Variants in FREM1 observed in about 807,000 individuals in gnomAD.
The protein encoded by FREM1 is FRAS1-related extracellular matrix protein 1.
FREM1 carries 220 observed loss-of-function variants against 210.1 expected under a neutral mutation model. The observed-to-expected ratio is 1.05, with a 90% CI of 0.94 to 1.17. The LOEUF (loss-of-function observed/expected upper bound fraction) is 1.17. FREM1 is among the 50% of genes most tolerant of loss of function. The pLI, the probability that FREM1 is intolerant of heterozygous loss-of-function variation, is 0.00. For missense variants in FREM1, 3,454 were observed against 2,675.5 expected (o/e 1.29, Z -6.42); for synonymous variants, 1,189 against 980.2 (o/e 1.21, Z -3.98).
intron 35 of FREM1, among the ~76,000 whole-genome samples, chr9:14,740,692 G>C (rs953611872): frequency 3.3e-5 from 5 of 152,140 alleles, no homozygotes; most frequent in African/African-American, 1.2e-4. Flanking sequence ...TTGGAGCTTA[G>C]TGGGTTTAGC....
intron 18 of FREM1, among the ~76,000 whole-genome samples, chr9:14,806,039 C>G (rs893176183): frequency 6.6e-6 from 1 of 152,192 alleles, no homozygotes; most frequent in Non-Finnish European, 1.5e-5. Flanking sequence ...GATTCACTCT[C>G]TCATGGTATC....
intron 36 of FREM1, among the ~76,000 whole-genome samples, chr9:14,738,868 G>A (rs1411661098): frequency 6.6e-6 from 1 of 151,788 alleles, no homozygotes; most frequent in Non-Finnish European, 1.5e-5. Context: ...AACTTAGCCA[G>A]GTGTGGTAGT....
At position 14,784,554 on chromosome 9, in the gene FREM1, C is replaced by CA; in HGVS notation, c.4257dup (p.Val1420CysfsTer8). 6.2e-7 allele frequency: 1 copy of CA among 1,613,288 alleles called. No individual in the cohort carries two copies. Among genetic ancestry groups the CA allele is most frequent in the Non-Finnish European group, 8.5e-7 (1 of 1,179,628 alleles). ...TCCTCAGGCTTGTCTGTTCCGTCCA[C>CA]AGCCAGGAGCGTGGTGGTTGTTAAG... On this transcript the variant is annotated frameshift_variant, in exon 24 of 37. Coordinates refer to ENST00000380880, the MANE Select transcript of FREM1 (RefSeq NM_001379081.2). LOFTEE classifies it high-confidence loss of function.
At chr9:14,907,378 C>T (rs1001919123) in intron 1 of FREM1, among the ~76,000 whole-genome samples, 2 of 152,046 alleles carry the variant, frequency 1.3e-5, no homozygotes, top group Non-Finnish European at 2.9e-5. Context: ...TTTTTTGTTT[C>T]GCTCGGCCCC....
At chr9:14,751,213 C>T (rs546236395) in intron 29 of FREM1, among the ~76,000 whole-genome samples, 1 of 152,316 alleles carries the variant, frequency 6.6e-6, no homozygotes, top group Non-Finnish European at 1.5e-5. Context: ...GGAATAAACA[C>T]AGTAAACTTA....
In FREM1 at chr9:14,905,858, T is replaced by C. The variant is rs1420567613; in HGVS notation, c.-268+4056A>G. Among the ~76,000 whole-genome samples the C allele has an allele frequency of 4.6e-5, 7 of 151,776 alleles. No individual in the cohort carries two copies. In the East Asian group the frequency reaches 1.4e-3, roughly 29 times the overall value. ...GTGAGCCAAGATCACGCCACTGCAC[T>C]GCAGCATGGGCAATAGAGCAAGACT... On this transcript the variant is annotated intron_variant, in intron 1 of 36. Transcript: ENST00000380880.
chr9:14,738,737 C>T (rs547001832), intron 36 of FREM1, among the ~76,000 whole-genome samples: 2 of 152,164 alleles, frequency 1.3e-5, no homozygotes, highest in African/African-American at 2.4e-5. Context: ...TGGCCGGGTG[C>T]GGTGGCTCAT....
rs372610450 is a variant in FREM1, at chr9:14,801,877, G to A, written c.3472-3C>T. On this transcript the variant is annotated splice_polypyrimidine_tract_variant and splice_region_variant and intron_variant, in intron 19 of 36. Coordinates refer to ENST00000380880, the MANE Select transcript of FREM1 (RefSeq NM_001379081.2). ...TCTTTCATCTGACCCTCACACACCT[G>A]AGCAAGAACACATGAGAAAAGTCAA... 2 of 1,594,250 alleles carry A rather than the reference G, an allele frequency of 1.3e-6. No individual in the cohort carries two copies. The highest frequency in any genetic ancestry group is 1.7e-5 in the Admixed American group (1 of 58,104).
At chr9:14,752,675 TG>T (rs1843603028) in intron 29 of FREM1, among the ~76,000 whole-genome samples, 1 of 151,992 alleles carries the variant, frequency 6.6e-6, no homozygotes, top group Non-Finnish European at 1.5e-5. Context: ...AGATAAGAGG[TG>T]GTCAATGAAG....
At chr9:14,782,411 T>G (rs1453156787) in intron 24 of FREM1, 2 of 927,384 alleles carry the variant, frequency 2.2e-6, no homozygotes, top group Non-Finnish European at 2.6e-6. Context: ...AGTCCTGTGT[T>G]CTCCAGCAAG....
rs142722635 is a variant in FREM1 at position 14,880,227 on chromosome 9, C to T, written c.-267-10983G>A. On this transcript the variant is annotated intron_variant, in intron 1 of 36. Coordinates refer to ENST00000380880, the MANE Select transcript of FREM1 (RefSeq NM_001379081.2). ...TCTATTCTTTAAGCCACCCTGTCTACGGTATTTCTGTTATAGCAGCCTGAG... is the reference window on the plus strand; with the variant it reads ...TCTATTCTTTAAGCCACCCTGTCTATGGTATTTCTGTTATAGCAGCCTGAG... Among the ~76,000 whole-genome samples the T allele has an allele frequency of 1.3e-3, 194 of 152,176 alleles. 1 individual carries two copies. The South Asian group carries it at 0.021, about 16-fold the overall frequency.
chr9:14,759,075 T>C (rs1283078983), intron 28 of FREM1, among the ~76,000 whole-genome samples: 2 of 152,176 alleles, frequency 1.3e-5, no homozygotes, highest in African/African-American at 4.8e-5. Flanking sequence ...ACAGAATGTC[T>C]TGCATACAAC....
chr9:14,738,733 G>C (rs1425544967), intron 36 of FREM1, among the ~76,000 whole-genome samples: 5 of 152,024 alleles, frequency 3.3e-5, no homozygotes, highest in African/African-American at 4.8e-5. Context: ...CATTTGGCCG[G>C]GTGCGGTGGC....
chr9:14,749,937 G>A lies in FREM1; in HGVS notation c.5557+190C>T, dbSNP rs79843997. On this transcript the variant is annotated intron_variant, in intron 30 of 36. Transcript: ENST00000380880. ...GACTTGTTGCTTTTCTCAAGTGATC[G>A]TACTTAGCAGGAGGAAAACCACATG... Among the ~76,000 whole-genome samples, 56 of 152,272 alleles carry A rather than the reference G, an allele frequency of 3.7e-4. No individual in the cohort carries two copies. The East Asian group carries it at 8.3e-3, about 23-fold the overall frequency.
Position 14,860,966 on chromosome 9 carries a change from C to T in FREM1, c.330-1482G>A, listed in dbSNP as rs867863886. 2.6e-3 allele frequency among the ~76,000 whole-genome samples: 225 copies of T among 87,988 alleles called. 7 individuals carry two copies. Among genetic ancestry groups the T allele is most frequent in the Non-Finnish European group, 3.5e-3 (139 of 40,146 alleles). 57.7% of individuals were successfully genotyped at this position (87,988 alleles called of 152,430 possible). ...ATATACACATATACACATATATACA[C>T]ATATATACATATATACACATATATA... On this transcript the variant is annotated intron_variant, in intron 3 of 36. Transcript: ENST00000380880.
intron 3 of FREM1, 37 bp downstream of exon 3, chr9:14,863,772 C>A: frequency 7.8e-7 from 1 of 1,279,254 alleles, no homozygotes; most frequent in Non-Finnish European, 1.1e-6. Flanking sequence ...AGAATGGTTA[C>A]TTGGCAGCAA....
chr9:14,779,362 G>T, intron 24 of FREM1: 1 of 331,024 alleles, frequency 3.0e-6, no homozygotes, highest in South Asian at 1.2e-4. Flanking sequence ...TAGAGCTATA[G>T]ACATTGTGCA....
intron 10 of FREM1, among the ~76,000 whole-genome samples, chr9:14,830,316 C>T (rs1272772460): frequency 6.6e-6 from 1 of 152,088 alleles, no homozygotes; most frequent in Admixed American, 6.5e-5. Flanking sequence ...ATTCTGATTC[C>T]TTATAAGTCT....
chr9:14,765,668 C>T (rs896828346), intron 27 of FREM1, among the ~76,000 whole-genome samples: 5 of 152,106 alleles, frequency 3.3e-5, no homozygotes, highest in Admixed American at 6.6e-5. Context: ...AACATTGCAA[C>T]GTTTGCCTGA....
Sources: gnomAD v4.1 joint callset for allele counts (sites outside exome capture counted in the v4.1 genomes callset) on GRCh38, gnomAD v4.1.1 for gene constraint, MANE v1.5 for transcripts, NCBI Gene and HGNC (gene_info 2026-07-23, HGNC 2026-07-21) for gene names.